LRRC4C: variants seen among roughly 807,000 people sequenced by gnomAD.
The protein encoded by LRRC4C is leucine-rich repeat-containing protein 4C.
In LRRC4C, 5 loss-of-function variants were observed where a neutral mutation model predicts 33.6. That is an observed-to-expected ratio of 0.15 (90% confidence interval 0.08 to 0.31). The LOEUF (loss-of-function observed/expected upper bound fraction) is 0.31, where lower values mean the gene tolerates loss of function less well. Ranked by LOEUF, LRRC4C falls within the 10% of genes least tolerant of loss-of-function variation. The pLI, the probability that LRRC4C is intolerant of heterozygous loss-of-function variation, is 1.00. For synonymous variants in LRRC4C, 329 were observed against 302.0 expected (o/e 1.09, Z -0.93); for missense variants, 560 against 796.7 (o/e 0.70, Z 3.58).
intron 1 of LRRC4C, among the ~76,000 whole-genome samples, chr11:41,370,087 T>C (rs535232203): frequency 2.6e-5 from 4 of 152,370 alleles, no homozygotes; most frequent in Admixed American, 2.0e-4. Context: ...TGCATTAACA[T>C]AGACGTGGCA....
In LRRC4C at chr11:40,171,702, C is replaced by T. The variant is rs1012955725; in HGVS notation, c.-95-30849G>A. 1.1e-4 allele frequency among the ~76,000 whole-genome samples: 16 copies of T among 152,164 alleles called. 1 individual carries two copies. The highest frequency in any genetic ancestry group is 1.2e-4 in the African/African-American group (5 of 41,512). Reference sequence around the variant, plus strand: ...AGCTTGTGCTTAATCTAATTTAATCCGACCCCCCCAACCGATCTAATTTAA... The same window carrying T: ...AGCTTGTGCTTAATCTAATTTAATCTGACCCCCCCAACCGATCTAATTTAA... On this transcript the variant is annotated intron_variant, in intron 5 of 6. Transcript: ENST00000528697.
intron 3 of LRRC4C, among the ~76,000 whole-genome samples, chr11:40,532,420 C>T (rs574863393): frequency 6.6e-6 from 1 of 151,608 alleles, no homozygotes; most frequent in African/African-American, 2.4e-5. Context: ...ATCTATAGAC[C>T]ATATATTGCC....
At chr11:40,838,883 G>A (rs546849959) in intron 2 of LRRC4C, among the ~76,000 whole-genome samples, 49 of 151,636 alleles carry the variant, frequency 3.2e-4, no homozygotes, top group Non-Finnish European at 5.9e-4. Flanking sequence ...CCCTAATTCC[G>A]TCAACAATTG....
chr11:41,338,697 A>T (rs1172869617), intron 1 of LRRC4C, among the ~76,000 whole-genome samples: 1 of 152,164 alleles, frequency 6.6e-6, no homozygotes, highest in Non-Finnish European at 1.5e-5. Context: ...CTGACCTTAA[A>T]GTAAAATAAA....
intron 1 of LRRC4C, among the ~76,000 whole-genome samples, chr11:41,339,711 C>G (rs1041005229): frequency 3.3e-5 from 5 of 152,136 alleles, no homozygotes; most frequent in African/African-American, 9.7e-5. Flanking sequence ...TTGAGCTAAT[C>G]AAATATATTT....
chr11:40,924,407 A>C (rs1207067828), intron 2 of LRRC4C, among the ~76,000 whole-genome samples: 1 of 151,144 alleles, frequency 6.6e-6, no homozygotes, highest in Non-Finnish European at 1.5e-5. Flanking sequence ...GAAATGTAGC[A>C]AAAGCTAAAA....
Position 40,314,325 on chromosome 11 carries a change from A to G in LRRC4C, c.-176+5303T>C, listed in dbSNP as rs140271723. Among the ~76,000 whole-genome samples the G allele has an allele frequency of 3.6e-4, 55 of 152,226 alleles. 2 individuals are homozygous for G. The highest frequency in any genetic ancestry group is 1.3e-3 in the African/African-American group (55 of 41,476). The stretch of plus-strand genomic sequence containing the variant: ...GTTCATCCTCGCTAATCATCAGGGA[A>G]ATGCCAATTAAAACCAAAGTGAGTT... On this transcript the variant is annotated intron_variant, in intron 4 of 6. Transcript: ENST00000528697.
Position 41,102,576 on chromosome 11 carries a change from C to A in LRRC4C, c.-495-168853G>T, listed in dbSNP as rs369986450. 2.2e-4 allele frequency among the ~76,000 whole-genome samples: 34 copies of A among 152,054 alleles called. No homozygotes were observed. The East Asian group carries it at 5.4e-3, about 24-fold the overall frequency. The stretch of plus-strand genomic sequence containing the variant: ...TCACGTAAACCATGAGAAAGTAGAG[C>A]TATCTACTTTGGATTTTTGAGAAGT... On this transcript the variant is annotated intron_variant, in intron 1 of 6. Coordinates refer to ENST00000528697, the MANE Select transcript of LRRC4C (RefSeq NM_001258419.2).
At chr11:41,271,796 TG>T (rs1214988121) in intron 1 of LRRC4C, among the ~76,000 whole-genome samples, 1 of 152,084 alleles carries the variant, frequency 6.6e-6, no homozygotes, top group African/African-American at 2.4e-5. Flanking sequence ...AAAAAGTGTT[TG>T]TTTATTGAAT....
At chr11:40,508,008 C>T (rs117865480) in intron 3 of LRRC4C, among the ~76,000 whole-genome samples, 14,356 of 152,236 alleles carry the variant, frequency 0.094, 803 homozygotes, top group Middle Eastern at 0.15. Flanking sequence ...CCGCCCACTT[C>T]AGCCTCCCAA....
intron 2 of LRRC4C, among the ~76,000 whole-genome samples, chr11:40,857,566 T>G (rs1953851909): frequency 6.6e-6 from 1 of 152,180 alleles, no homozygotes; most frequent in Non-Finnish European, 1.5e-5. Flanking sequence ...GCAAATTTTA[T>G]TTTAAGAATA....
chr11:40,842,112 G>T (rs1308514269), intron 2 of LRRC4C, among the ~76,000 whole-genome samples: 1 of 152,130 alleles, frequency 6.6e-6, no homozygotes, highest in East Asian at 1.9e-4. Flanking sequence ...TACGCAGTTG[G>T]ACTACAATAG....
At chr11:40,556,954 T>C (rs1187626873) in intron 3 of LRRC4C, among the ~76,000 whole-genome samples, 1 of 152,092 alleles carries the variant, frequency 6.6e-6, no homozygotes, top group Non-Finnish European at 1.5e-5. Flanking sequence ...AAGTATAATT[T>C]AGGCATCATA....
intron 1 of LRRC4C, among the ~76,000 whole-genome samples, chr11:41,232,305 T>TA (rs1456734720): frequency 6.6e-6 from 1 of 152,134 alleles, no homozygotes; most frequent in Non-Finnish European, 1.5e-5. Context: ...GTGACTTTGA[T>TA]ATACTGGACT....
intron 3 of LRRC4C, among the ~76,000 whole-genome samples, chr11:40,616,831 AGC>A (rs1326278933): frequency 2.0e-5 from 3 of 151,746 alleles, no homozygotes; most frequent in Admixed American, 6.6e-5. Context: ...TAATGGGTGC[AGC>A]ACACCAACAT....
chr11:40,620,872 G>T (rs532494273), intron 3 of LRRC4C, among the ~76,000 whole-genome samples: 2 of 151,738 alleles, frequency 1.3e-5, no homozygotes, highest in Non-Finnish European at 3.0e-5. Flanking sequence ...AATGTATGAG[G>T]ATATGGAGCA....
chr11:41,176,589 G>T (rs1046733407), intron 1 of LRRC4C, among the ~76,000 whole-genome samples: 1 of 152,194 alleles, frequency 6.6e-6, no homozygotes, highest in African/African-American at 2.4e-5. Context: ...AGAAGAAATT[G>T]ACAGTAAATA....
At chr11:40,200,343 G>T (rs1302748563) in intron 5 of LRRC4C, among the ~76,000 whole-genome samples, 1 of 151,616 alleles carries the variant, frequency 6.6e-6, no homozygotes, top group African/African-American at 2.4e-5. Flanking sequence ...CAGCCTGGGC[G>T]ACAGAGCGAG....
At chr11:40,669,273 C>A (rs1408785785) in intron 2 of LRRC4C, among the ~76,000 whole-genome samples, 1 of 152,096 alleles carries the variant, frequency 6.6e-6, no homozygotes, top group Non-Finnish European at 1.5e-5. Context: ...CTGTAAGAAA[C>A]ACAAGTAAAG....
Sources: allele counts gnomAD v4.1 joint callset (sites outside exome capture counted in the v4.1 genomes callset), GRCh38; gene constraint gnomAD v4.1.1; transcripts MANE v1.5; gene names NCBI Gene and HGNC (gene_info 2026-07-23, HGNC 2026-07-21).